PROX1: variants seen among roughly 807,000 people sequenced by gnomAD.
The protein encoded by PROX1 is prospero homeobox 1, also known as prospero homeobox protein 1.
PROX1 carries 7 observed loss-of-function variants against 58.8 expected under a neutral mutation model. The observed-to-expected ratio is 0.12, with a 90% confidence interval of 0.07 to 0.22. The LOEUF (loss-of-function observed/expected upper bound fraction) is 0.22, where lower values mean the gene tolerates loss of function less well. Among genes scored for constraint, PROX1 ranks in the 10% least tolerant of loss-of-function variants. The pLI is 1.00. For synonymous variants in PROX1, 350 were observed against 358.3 expected (o/e 0.98, Z 0.26); for missense variants, 675 against 927.8 (o/e 0.73, Z 3.54).
chr1:214,001,641 T>C (rs542809599), intron 2 of PROX1, among the ~76,000 whole-genome samples: 1 of 152,260 alleles, frequency 6.6e-6, no homozygotes, highest in African/African-American at 2.4e-5. Context: ...GAAAGGAAAA[T>C]GGTTTAGTAA....
intron 1 of PROX1, among the ~76,000 whole-genome samples, chr1:213,994,577 C>A (rs1381581244): frequency 6.6e-6 from 1 of 151,566 alleles, no homozygotes; most frequent in Non-Finnish European, 1.5e-5. Context: ...GTATTTGTCA[C>A]TGCATTTTTG....
chr1:214,031,084 C>T (rs1175165189), intron 4 of PROX1, among the ~76,000 whole-genome samples: 4 of 151,778 alleles, frequency 2.6e-5, no homozygotes, highest in African/African-American at 9.7e-5. Flanking sequence ...CGCGCATTCG[C>T]GCACGCACAC....
In PROX1 at chr1:213,996,623, G is replaced by A. The variant is rs1663271782; in HGVS notation, c.88G>A (p.Ala30Thr). The change falls in exon 2 of 5, where the codon GCA (alanine) becomes ACA (threonine). Residue 30 changes from alanine (A) to threonine (T), a missense_variant. Coordinates refer to ENST00000366958, the MANE Select transcript of PROX1 (RefSeq NM_001270616.2). ...DIGVKRTVGT[A>T]SAFFAKARAT... ...TGGAGTGAAAAGGACGGTAGGGACA[G>A]CATCTGCATTTTTTGCTAAGGCAAG... The A allele has an allele frequency of 6.2e-7, 1 of 1,614,052 alleles. No homozygotes were observed. Among genetic ancestry groups the A allele is most frequent in the African/African-American group, 1.3e-5 (1 of 74,906 alleles).
At chr1:213,985,052 G>T (rs564523403), upstream of PROX1, 3 of 152,356 alleles carry the variant, frequency 2.0e-5, no homozygotes, top group East Asian at 1.9e-4. Flanking sequence ...AGAACACACA[G>T]ATCACCCTTC....
At position 214,035,568 on chromosome 1, in the gene PROX1, A is replaced by C. The variant is rs1281400924; in HGVS notation, c.2029-81A>C. 2.8e-6 allele frequency: 4 copies of C among 1,409,026 alleles called. No homozygotes were observed. In the East Asian group the frequency reaches 9.3e-5, roughly 33 times the overall value. The allele number at this position is 1,409,026 out of a possible 1,614,324, so 87.3% of individuals were successfully genotyped here. ...ATGTAAGCCCCTTTCTGCAAGAATG[A>C]TCTTAGCTCAGTTTCCTTGGAATAA... is the stretch of plus-strand genomic sequence containing the variant. On this transcript the variant is annotated intron_variant, in intron 4 of 4. Coordinates refer to ENST00000366958, the MANE Select transcript of PROX1 (RefSeq NM_001270616.2).
Position 214,039,466 on chromosome 1 carries a change from G to C in PROX1, c.*3632G>C, listed in dbSNP as rs1210341071. The C allele has an allele frequency of 3.3e-5, 5 of 151,920 alleles. No individual in the cohort carries two copies. Among genetic ancestry groups the C allele is most frequent in the African/African-American group, 1.2e-4 (5 of 41,332 alleles). 9.4% of individuals were successfully genotyped at this position (151,920 alleles called of 1,614,324 possible). A position where few individuals can be genotyped will look rare whatever the true frequency, so the allele number is the denominator to read the frequency against. The stretch of plus-strand genomic sequence containing the variant: ...AAAAATTTAAAACAACAAAAAAAAA[G>C]CAAAACAGAAACACTAAAGCAAGAG... On this transcript the variant is annotated 3_prime_UTR_variant, in exon 5 of 5. Coordinates refer to ENST00000366958, the MANE Select transcript of PROX1 (RefSeq NM_001270616.2).
At chr1:214,006,527 G>A (rs1392064400) in intron 3 of PROX1, among the ~76,000 whole-genome samples, 1 of 152,186 alleles carries the variant, frequency 6.6e-6, no homozygotes, top group African/African-American at 2.4e-5. Flanking sequence ...TCACGTAAAT[G>A]TCTGGATAAG....
At chr1:214,003,030 A>C (rs1415739286) in intron 2 of PROX1, among the ~76,000 whole-genome samples, 8 of 152,252 alleles carry the variant, frequency 5.3e-5, no homozygotes, top group African/African-American at 1.9e-4. Context: ...AACTTGAGAA[A>C]TCCAAATCAG....
rs1664875340 is a variant in PROX1, at chr1:214,037,733, G to GTCA, written c.*1901_*1903dup. ...AGCTCACACTCTACTAATGCACAGA[G>GTCA]TCATTAGATCCAATTTGTTATTTTT... On this transcript the variant is annotated 3_prime_UTR_variant, in exon 5 of 5. Transcript: ENST00000366958. The GTCA allele has an allele frequency of 6.6e-6, 1 of 152,230 alleles. No individual in the cohort carries two copies. Among genetic ancestry groups the GTCA allele is most frequent in the African/African-American group, 2.4e-5 (1 of 41,532 alleles). The allele number at this position is 152,230 out of a possible 1,614,324, so 9.4% of individuals were successfully genotyped here.
At chr1:214,022,010 G>A (rs1005030435) in intron 4 of PROX1, among the ~76,000 whole-genome samples, 1 of 152,156 alleles carries the variant, frequency 6.6e-6, no homozygotes, top group African/African-American at 2.4e-5. Context: ...TTATTCTCAG[G>A]CAGGCAATGA....
intron 1 of PROX1, among the ~76,000 whole-genome samples, chr1:213,994,785 A>C (rs1234400283): frequency 9.6e-6 from 1 of 104,376 alleles, no homozygotes; most frequent in African/African-American, 4.0e-5. Context: ...ATATATATAT[A>C]TATATATATA....
At chr1:214,000,182 C>T (rs915018031) in intron 2 of PROX1, among the ~76,000 whole-genome samples, 2 of 152,096 alleles carry the variant, frequency 1.3e-5, no homozygotes, top group Non-Finnish European at 2.9e-5. Context: ...GTTCAAGATG[C>T]CAGTTTATGG....
At chr1:214,004,834 G>A (rs956949449) in intron 2 of PROX1, among the ~76,000 whole-genome samples, 2 of 152,298 alleles carry the variant, frequency 1.3e-5, no homozygotes, top group East Asian at 3.9e-4. Context: ...CATGTTGGGT[G>A]CATTTGTCTC....
intron 4 of PROX1, chr1:214,029,680 G>A (rs752069454): frequency 6.6e-6 from 1 of 152,276 alleles, no homozygotes; most frequent in African/African-American, 2.4e-5. Context: ...AAAATTGAGA[G>A]AGCACTGTTC....
chr1:214,033,172 A>G (rs1185232862), intron 4 of PROX1, among the ~76,000 whole-genome samples: 2 of 152,130 alleles, frequency 1.3e-5, no homozygotes, highest in Admixed American at 6.5e-5. Flanking sequence ...GCAGCTGCCC[A>G]CACCTTCACC....
chr1:214,011,642 A>G lies in PROX1; in HGVS notation c.1955A>G (p.Glu652Gly), dbSNP rs1299368494. The G allele has an allele frequency of 6.2e-7, 1 of 1,614,100 alleles. No homozygotes were observed. The highest frequency in any genetic ancestry group is 8.5e-7 in the Non-Finnish European group (1 of 1,179,966). ...AINDGVTSTE[E>G]LSITRDCELY... ...AACGATGGGGTCACCAGTACTGAAG[A>G]GCTGTCTATAACCAGAGACTGTGAG... The change falls in exon 4 of 5, where the codon GAG (glutamate) becomes GGG (glycine). Residue 652 changes from glutamate (E) to glycine (G), a missense_variant. Around this residue, in one of 8 missense-constraint regions of PROX1, gnomAD observed 50 missense variants for 79.3 expected, o/e 0.63. Coordinates refer to ENST00000366958, the MANE Select transcript of PROX1 (RefSeq NM_001270616.2).
chr1:214,029,080 G>A (rs1664556509), intron 4 of PROX1: 1 of 152,250 alleles, frequency 6.6e-6, no homozygotes, highest in Non-Finnish European at 1.5e-5. Flanking sequence ...CAGGAGATGA[G>A]TCTCTCCTTG....
In PROX1 at chr1:213,997,342, TGAA is replaced by T. The variant is rs764575261; in HGVS notation, c.810_812del (p.Glu270del). 6.2e-7 allele frequency: 1 copy of T among 1,614,062 alleles called. No homozygotes were observed. ...ATGACAGCACTGATTCGGAAAATGA[TGAA>T]GATGGTAACCTGTCTGAAGACAGCA... is the stretch of plus-strand genomic sequence containing the variant. On this transcript the variant is annotated inframe_deletion, in exon 2 of 5. Transcript: ENST00000366958. This position sits in a 1 kb window ranked among gnomAD's most constrained non-coding sequence, Gnocchi z 7.1.
chr1:214,006,270 G>C (rs1663709776), intron 3 of PROX1, among the ~76,000 whole-genome samples: 2 of 149,854 alleles, frequency 1.3e-5, no homozygotes, highest in Admixed American at 1.4e-4. Context: ...AGCTTGTTTT[G>C]TGCTTGATGC....
Sources: allele counts gnomAD v4.1 joint callset (sites outside exome capture counted in the v4.1 genomes callset), GRCh38; gene constraint gnomAD v4.1.1; regional missense constraint gnomAD v4.1.1; non-coding constraint Gnocchi (gnomAD v3.1); transcripts MANE v1.5; gene names NCBI Gene and HGNC (gene_info 2026-07-23, HGNC 2026-07-21).